The following PRPF8 variants were observed in gnomAD, a reference collection of about 807,000 sequenced individuals.
PRPF8 encodes the protein pre-mRNA-processing-splicing factor 8.
PRPF8 carries 64 observed loss-of-function variants against 285.9 expected under a neutral mutation model. The ratio of observed to expected loss-of-function variants is 0.22; its 90% CI spans 0.18 to 0.28. The LOEUF (loss-of-function observed/expected upper bound fraction) is 0.28. Among genes scored for constraint, PRPF8 ranks in the 10% least tolerant of loss-of-function variants. PRPF8 has a pLI of 1.00. For missense variants in PRPF8, 1,426 were observed against 3,026.7 expected (o/e 0.47, Z 12.41); for synonymous variants, 1,325 against 1,118.2 (o/e 1.18, Z -3.69).
chr17:1,680,647 C>T, intron 8 of PRPF8, 79 bp downstream of exon 8: 2 of 1,302,596 alleles, frequency 1.5e-6, no homozygotes, highest in South Asian at 2.4e-5. Flanking sequence ...CTCCCTCCAC[C>T]TGAGCGTTTA....
chr17:1,666,546 C>CAAAAAA (rs1555552060), intron 24 of PRPF8, among the ~76,000 whole-genome samples: 4 of 112,800 alleles, frequency 3.5e-5, no homozygotes, highest in African/African-American at 1.1e-4. Context: ...GACCCCATCT[C>CAAAAAA]AAAAAAAAAA....
chr17:1,677,996 T>C (rs578118604), intron 13 of PRPF8, among the ~76,000 whole-genome samples: 1 of 152,130 alleles, frequency 6.6e-6, no homozygotes, highest in African/African-American at 2.4e-5. Flanking sequence ...TCTAAATGTA[T>C]ACATGAAAAA....
At chr17:1,681,269 T>C (rs1211301168) in intron 6 of PRPF8, among the ~76,000 whole-genome samples, 1 of 152,080 alleles carries the variant, frequency 6.6e-6, no homozygotes, top group East Asian at 1.9e-4. Flanking sequence ...TTGGTAAAGA[T>C]AGGGTTTTGC....
In PRPF8 at chr17:1,678,573, C is replaced by T. The variant is rs1303011176; in HGVS notation, c.1799G>A (p.Arg600Gln). The T allele has an allele frequency of 1.2e-5, 20 of 1,614,080 alleles. No homozygotes were observed. The highest frequency in any genetic ancestry group is 1.6e-5 in the Non-Finnish European group (19 of 1,180,044). ...CAGGTCCTTGCACATGCGAATCTGT[C>T]GCATCAGCTTGTATTTGTATCGATA... ...GMYRYKYKLMRQIRMCKDLKH... is the reference protein window; with the variant it reads ...GMYRYKYKLMQQIRMCKDLKH... The change falls in exon 13 of 43, where the codon CGA (arginine) becomes CAA (glutamine). Residue 600 changes from arginine (R) to glutamine (Q), a missense_variant. Arg to Gln is a conservative substitution (Grantham distance 43, BLOSUM62 1). Around this residue, in one of 34 missense-constraint regions of PRPF8, gnomAD observed 69 missense variants for 134.7 expected, o/e 0.51. Transcript: ENST00000304992.
Position 1,651,852 on chromosome 17 carries a change from GCCCT to G in PRPF8, c.6370-68_6370-65del. 6.3e-7 allele frequency: 1 copy of G among 1,576,136 alleles called. No individual in the cohort carries two copies. The highest frequency in any genetic ancestry group is 8.7e-7 in the Non-Finnish European group (1 of 1,147,874). On this transcript the variant is annotated intron_variant, in intron 39 of 42. Coordinates refer to ENST00000304992, the MANE Select transcript of PRPF8 (RefSeq NM_006445.4). The surrounding 1 kb of genome is among the most constrained non-coding windows in gnomAD (Gnocchi z 5.1). ...TACCAGGTCAGAGTTGGAGCTGCCA[GCCCT>G]CTGTTTCCTTCCTTCCCCCAAGAAC...
chr17:1,668,425 G>T (rs542675453), intron 24 of PRPF8, among the ~76,000 whole-genome samples: 1 of 144,536 alleles, frequency 6.9e-6, no homozygotes, highest in African/African-American at 2.6e-5. Flanking sequence ...GCAGTGTCGC[G>T]ATCTCGGTTC....
At position 1,651,005 on chromosome 17, in the gene PRPF8, C is replaced by A; in HGVS notation, c.6854-49G>T. 5 of 1,614,088 alleles carry A rather than the reference C, an allele frequency of 3.1e-6. No individual in the cohort carries two copies. Among genetic ancestry groups the A allele is most frequent in the South Asian group, 1.1e-5 (1 of 91,078 alleles). On this transcript the variant is annotated intron_variant, in intron 42 of 42. Transcript: ENST00000304992. The surrounding 1 kb of genome is among the most constrained non-coding windows in gnomAD (Gnocchi z 5.1). ...ATGTTAACAGGGCTCCTGCCTCATGCAGCCTGCGCCACCTCCAAGCCAGCC... is the reference window on the plus strand; with the variant it reads ...ATGTTAACAGGGCTCCTGCCTCATGAAGCCTGCGCCACCTCCAAGCCAGCC...
At chr17:1,683,392 A>G in intron 3 of PRPF8, 141 bp downstream of exon 3, 1 of 920,080 alleles carries the variant, frequency 1.1e-6, no homozygotes, top group East Asian at 2.5e-5. Context: ...AGATGTAGAA[A>G]TTATCAGAGA....
chr17:1,673,512 C>T lies in PRPF8; in HGVS notation c.3502G>A (p.Val1168Ile), dbSNP rs1043490963. 1.9e-6 allele frequency: 3 copies of T among 1,614,098 alleles called. No individual in the cohort carries two copies. The highest frequency in any genetic ancestry group is 2.5e-6 in the Non-Finnish European group (3 of 1,180,054). ...KNRLPRSVTT[V>I]QWENSFVSVY... ...GACACGAAGCTGTTCTCCCACTGAA[C>T]TGTAGTCACTGACCGTGGCAAGCGG... is the stretch of plus-strand genomic sequence containing the variant. The change falls in exon 23 of 43, where the codon GTT (valine) becomes ATT (isoleucine). Residue 1168 changes from valine to isoleucine, a missense_variant. Coordinates refer to ENST00000304992, the MANE Select transcript of PRPF8 (RefSeq NM_006445.4). The surrounding 1 kb of genome is among the most constrained non-coding windows in gnomAD (Gnocchi z 5.5).
intron 13 of PRPF8, 96 bp from the exon 14 acceptor site, chr17:1,677,790 C>T (rs768222688): frequency 4.5e-5 from 68 of 1,495,098 alleles, no homozygotes; most frequent in Non-Finnish European, 5.2e-5. Flanking sequence ...GTATAATATA[C>T]ATACAGAGGA....
chr17:1,684,846 C>G lies in PRPF8; in HGVS notation c.-78G>C. ...AATGGCGGCCAGACTGCGTCCGCTC[C>G]GCGTTCCCAGCGCCGGGAAGTGCGC... On this transcript the variant is annotated 5_prime_UTR_variant, in exon 1 of 43. Coordinates refer to ENST00000304992, the MANE Select transcript of PRPF8 (RefSeq NM_006445.4). 5.0e-6 allele frequency: 3 copies of G among 595,620 alleles called. No homozygotes were observed. The South Asian group carries it at 6.0e-5, about 12-fold the overall frequency. 36.9% of individuals were successfully genotyped at this position (595,620 alleles called of 1,614,324 possible).
Position 1,650,672 on chromosome 17 carries a change from C to G in PRPF8, c.*130G>C, listed in dbSNP as rs769369598. The G allele has an allele frequency of 8.8e-6, 9 of 1,021,610 alleles. No homozygotes were observed. The East Asian group carries it at 2.1e-4, about 24-fold the overall frequency. 63.3% of individuals were successfully genotyped at this position (1,021,610 alleles called of 1,614,324 possible). On this transcript the variant is annotated 3_prime_UTR_variant, in exon 43 of 43. Transcript: ENST00000304992. ...TATTATTATATTTTATTCAGGATGA[C>G]AAGCCATCAGGAGGTCAACAACACA...
chr17:1,660,411 C>G, intron 30 of PRPF8, 21 bp downstream of exon 30: 2 of 1,613,592 alleles, frequency 1.2e-6, no homozygotes, highest in Non-Finnish European at 1.7e-6. Context: ...ACAGTACCCT[C>G]TCCCCTCGAT....
chr17:1,654,866 T>G (rs1911272497), intron 37 of PRPF8: 1 of 176,568 alleles, frequency 5.7e-6, no homozygotes, highest in Admixed American at 5.4e-5. Flanking sequence ...TCCTGGCTCA[T>G]GCAATCCTCC....
At chr17:1,655,034 C>T in intron 37 of PRPF8, 1 of 358,860 alleles carries the variant, frequency 2.8e-6, no homozygotes, top group Non-Finnish European at 5.4e-6. Context: ...TCTCGGCTCA[C>T]TGCAACCTCT....
intron 24 of PRPF8, among the ~76,000 whole-genome samples, chr17:1,667,537 GCTT>G (rs942746223): frequency 1.4e-5 from 2 of 139,426 alleles, no homozygotes; most frequent in Non-Finnish European, 3.1e-5. Flanking sequence ...CCATGACATA[GCTT>G]TTTTTTTTTT....
chr17:1,655,454 A>G lies in PRPF8; in HGVS notation c.5883T>C (p.Ile1961=), dbSNP rs911876164. The G allele has an allele frequency of 2.5e-6, 4 of 1,614,042 alleles. No homozygotes were observed. The East Asian group carries it at 6.7e-5, about 27-fold the overall frequency. Reference sequence around the variant, plus strand: ...TGGGCCAGATGTGGTGTGGTTCTGTAATAGTAGTCTTGTCTGGCTTCAGGA... The same window carrying G: ...TGGGCCAGATGTGGTGTGGTTCTGTGATAGTAGTCTTGTCTGGCTTCAGGA... ...KVILKPDKTT[I]TEPHHIWPTL... The change falls in exon 37 of 43, where the codon ATT becomes ATC. Residue 1961 remains isoleucine, a synonymous_variant. Coordinates refer to ENST00000304992, the MANE Select transcript of PRPF8 (RefSeq NM_006445.4).
intron 24 of PRPF8, among the ~76,000 whole-genome samples, chr17:1,666,249 G>C (rs147052333): frequency 2.0e-5 from 3 of 151,514 alleles, no homozygotes; most frequent in African/African-American, 7.3e-5. Context: ...AATGATAAGA[G>C]AAGAAATCAA....
At position 1,650,737 on chromosome 17, in the gene PRPF8, A is replaced by G; in HGVS notation, c.*65T>C. On this transcript the variant is annotated 3_prime_UTR_variant, in exon 43 of 43. Transcript: ENST00000304992. ...GAAAGAGGCCAAACTGCTGAATGTC[A>G]GCGGCCTGTCTGGAGGGGCTGAGGC... is the stretch of plus-strand genomic sequence containing the variant. The G allele has an allele frequency of 6.3e-7, 1 of 1,590,532 alleles. No homozygotes were observed. Among genetic ancestry groups the G allele is most frequent in the South Asian group, 1.1e-5 (1 of 90,546 alleles).
Sources: allele counts gnomAD v4.1 joint callset (sites outside exome capture counted in the v4.1 genomes callset), GRCh38; gene constraint gnomAD v4.1.1; regional missense constraint gnomAD v4.1.1; non-coding constraint Gnocchi (gnomAD v3.1); transcripts MANE v1.5; gene names NCBI Gene and HGNC (gene_info 2026-07-23, HGNC 2026-07-21).